Variants in TCF3 observed in about 807,000 individuals in gnomAD.
TCF3 encodes transcription factor E2-alpha.
In TCF3, 54 loss-of-function variants were observed where a neutral mutation model predicts 72.3. That is an observed-to-expected ratio of 0.75 (90% CI 0.60 to 0.94). The LOEUF (loss-of-function observed/expected upper bound fraction) is 0.94, where lower values mean the gene tolerates loss of function less well. Among genes scored for constraint, TCF3 ranks in the 40% least tolerant of loss-of-function variants. The pLI is 0.00. For missense variants in TCF3, 1,078 were observed against 934.4 expected, an observed-to-expected ratio of 1.15 and a Z score of -2.00; for synonymous variants, 525 against 412.6, an observed-to-expected ratio of 1.27 and a Z score of -3.30.
At chr19:1,645,359 C>A (rs2065930421) in intron 3 of TCF3, among the ~76,000 whole-genome samples, 1 of 152,176 alleles carries the variant, frequency 6.6e-6, no homozygotes, top group South Asian at 2.1e-4. Context: ...CAACCTCCCC[C>A]ACCAAATCCT....
Position 1,609,891 on chromosome 19 carries a change from G to A in TCF3, c.*1816C>T, listed in dbSNP as rs76820530. 1,732 of 232,568 alleles carry A rather than the reference G, an allele frequency of 7.4e-3. 12 individuals are homozygous for A. Among genetic ancestry groups the A allele is most frequent in the South Asian group, 0.042 (231 of 5,520 alleles). The allele number at this position is 232,568 out of a possible 1,614,324, so 14.4% of individuals were successfully genotyped here. A position where few individuals can be genotyped will look rare whatever the true frequency, so the allele number is the denominator to read the frequency against. ...AGGAGTGGCACGGGGGGAGACGCCC[G>A]ACCTGCAGCGGGGATGAACACAGCC... On this transcript the variant is annotated 3_prime_UTR_variant, in exon 19 of 19. Coordinates refer to ENST00000262965, the MANE Select transcript of TCF3 (RefSeq NM_003200.5).
chr19:1,648,637 G>A (rs2145719932), intron 2 of TCF3, among the ~76,000 whole-genome samples: 1 of 152,370 alleles, frequency 6.6e-6, no homozygotes, highest in East Asian at 1.9e-4. Context: ...CCCTTCCGGA[G>A]CCTTGGCCCC....
intron 18 of TCF3, chr19:1,612,111 G>A: frequency 1.6e-6 from 2 of 1,282,482 alleles, no homozygotes; most frequent in Non-Finnish European, 2.1e-6. Flanking sequence ...GACATGGACA[G>A]AGTCCGGGGG....
At position 1,619,320 on chromosome 19, in the gene TCF3, C is replaced by G. The variant is rs1299040259; in HGVS notation, c.1322G>C (p.Gly441Ala). 1.3e-6 allele frequency: 2 copies of G among 1,572,660 alleles called. No homozygotes were observed. The highest frequency in any genetic ancestry group is 1.7e-6 in the Non-Finnish European group (2 of 1,165,220). ...CCACCCTCGCCCAGCGCTCACCAGGCCTGCGTGCCGCCCGCCCAGTGACAT... is the reference window on the plus strand; with the variant it reads ...CCACCCTCGCCCAGCGCTCACCAGGGCTGCGTGCCGCCCGCCCAGTGACAT... Reference protein sequence around the residue: ...GPMSLGGRHAGLVGGSHPEDG... With the variant: ...GPMSLGGRHAALVGGSHPEDG... The change falls in exon 15 of 19, where the codon GGC becomes GCC. Residue 441 changes from glycine to alanine, a missense_variant. By Grantham distance (60) the Gly-to-Ala change is moderately conservative (BLOSUM62 0). Transcript: ENST00000262965.
intron 18 of TCF3, among the ~76,000 whole-genome samples, chr19:1,612,652 G>C (rs1238364742): frequency 1.3e-5 from 2 of 151,570 alleles, no homozygotes; most frequent in Non-Finnish European, 2.9e-5. Flanking sequence ...GGCTGGTGTT[G>C]GTGTGGGCAG....
At chr19:1,612,241 C>G (rs1257058636) in intron 18 of TCF3, 1 of 1,603,770 alleles carries the variant, frequency 6.2e-7, no homozygotes, top group Admixed American at 1.7e-5. Context: ...GGATGACCTG[C>G]ACGGCCTGCT....
chr19:1,642,763 C>T (rs1173583608), intron 3 of TCF3, among the ~76,000 whole-genome samples: 3 of 152,098 alleles, frequency 2.0e-5, no homozygotes, highest in East Asian at 3.9e-4. Context: ...TGAGCCACCG[C>T]GCCCGGTCAC....
chr19:1,620,747 A>C (rs2062091753), intron 13 of TCF3, among the ~76,000 whole-genome samples: 1 of 152,108 alleles, frequency 6.6e-6, no homozygotes, highest in African/African-American at 2.4e-5. Context: ...CCAGTGGAAC[A>C]CAAGCCCATG....
Position 1,621,113 on chromosome 19 carries a change from C to T in TCF3, c.1014+20G>A, listed in dbSNP as rs368646511. 2.0e-5 allele frequency: 30 copies of T among 1,533,064 alleles called. No individual in the cohort carries two copies. The African/African-American group carries it at 3.2e-4, about 16-fold the overall frequency. The allele number at this position is 1,533,064 out of a possible 1,614,324, so 95.0% of individuals were successfully genotyped here. ...CTCTCAGGTCACTTGCCTGGCCACCCCCCATGCCCCACGCCTCACCGAGGC... is the reference window on the plus strand; with the variant it reads ...CTCTCAGGTCACTTGCCTGGCCACCTCCCATGCCCCACGCCTCACCGAGGC... On this transcript the variant is annotated intron_variant, in intron 12 of 18. Coordinates refer to ENST00000262965, the MANE Select transcript of TCF3 (RefSeq NM_003200.5).
rs1038667051 is a variant in TCF3, at chr19:1,614,225, G to C, written c.1822+1060C>G. ...CTTGCCTGCCCACCCTGCCTTAGGG[G>C]CCTGAGGGGATCCCTCCAGGTGGTG... On this transcript the variant is annotated intron_variant, in intron 18 of 18. Coordinates refer to ENST00000262965, the MANE Select transcript of TCF3 (RefSeq NM_003200.5). This position sits in a 1 kb window ranked among gnomAD's most constrained non-coding sequence, Gnocchi z 5.6. Among the ~76,000 whole-genome samples the C allele has an allele frequency of 3.3e-5, 5 of 152,240 alleles. No homozygotes were observed. The highest frequency in any genetic ancestry group is 5.9e-5 in the Non-Finnish European group (4 of 68,038).
chr19:1,651,432 A>T (rs1435910400), intron 1 of TCF3: 1 of 224,698 alleles, frequency 4.5e-6, no homozygotes, highest in Non-Finnish European at 8.9e-6. Flanking sequence ...TCTTTTTTGG[A>T]GGGCGTGTGA....
Position 1,650,185 on chromosome 19 carries a change from A to T in TCF3, c.64T>A (p.Phe22Ile). Residue 22 changes from phenylalanine to isoleucine, a missense_variant, in exon 2 of 19, where the codon TTC (phenylalanine) becomes ATC (isoleucine). By Grantham distance (21) the Phe-to-Ile change is conservative. Transcript: ENST00000262965. ...TDKELSDLLD[F>I]SMMFPLPVTN... ...CGGGGGTCCTGGCTCACCATGCTGA[A>T]GTCCAGGAGGTCACTGAGCTCCTTG... 1 of 1,570,484 alleles carries T rather than the reference A, an allele frequency of 6.4e-7. No homozygotes were observed. The highest frequency in any genetic ancestry group is 8.6e-7 in the Non-Finnish European group (1 of 1,159,240).
chr19:1,632,367 C>G lies in TCF3; in HGVS notation c.184G>C (p.Gly62Arg). Residue 62 changes from glycine (G) to arginine (R), a missense_variant, in exon 4 of 19, where the codon GGC (glycine) becomes CGC (arginine). By Grantham distance (125) the Gly-to-Arg change is moderately radical (BLOSUM62 -2). Coordinates refer to ENST00000262965, the MANE Select transcript of TCF3 (RefSeq NM_003200.5). ...DRPSSGSWGS[G>R]DQSSSSFDPS... Reference sequence around the variant, plus strand: ...TCAAAGGAGGAGCTGCTCTGGTCGCCGCTGCCCCAGGAGCCTGAGCTGGGC... The same window carrying G: ...TCAAAGGAGGAGCTGCTCTGGTCGCGGCTGCCCCAGGAGCCTGAGCTGGGC... 4 of 1,595,256 alleles carry G rather than the reference C, an allele frequency of 2.5e-6. No homozygotes were observed. In the South Asian group the frequency reaches 3.4e-5, roughly 14 times the overall value.
chr19:1,631,145 C>T (rs566037131), intron 5 of TCF3, among the ~76,000 whole-genome samples: 5 of 152,340 alleles, frequency 3.3e-5, no homozygotes, highest in East Asian at 1.9e-4. Context: ...CAGTCCTCAC[C>T]GCCTCCCTCC....
intron 4 of TCF3, 57 bp from the exon 5 acceptor site, chr19:1,632,173 C>A (rs962313384): frequency 6.3e-7 from 1 of 1,581,966 alleles, no homozygotes; most frequent in Non-Finnish European, 8.6e-7. Context: ...CCCCCCTCCA[C>A]CCCGCATTAC....
In TCF3 at chr19:1,627,351, C is replaced by CCCCTCACCTGAGTCAGGCCG. The variant is rs1257910812; in HGVS notation, c.354_366+7dup. ...AAAATACACCCCAGCCCGGCCCGAG[C>CCCCTCACCTGAGTCAGGCCG]CCCTCACCTGAGTCAGGCCGCCCAC... is the stretch of plus-strand genomic sequence containing the variant. On this transcript the variant is annotated splice_region_variant and intron_variant, in intron 6 of 18. Coordinates refer to ENST00000262965, the MANE Select transcript of TCF3 (RefSeq NM_003200.5). 6.8e-6 allele frequency: 11 copies of CCCCTCACCTGAGTCAGGCCG among 1,607,578 alleles called. No homozygotes were observed. The highest frequency in any genetic ancestry group is 1.1e-5 in the South Asian group (1 of 90,050).
At chr19:1,631,899 C>G (rs1318296300) in intron 5 of TCF3, 139 bp downstream of exon 5, 4 of 1,529,492 alleles carry the variant, frequency 2.6e-6, no homozygotes, top group Admixed American at 3.9e-5. Context: ...GCTCCCAGGA[C>G]GGGCAGAGGC....
At chr19:1,613,972 T>A (rs1339649974) in intron 18 of TCF3, among the ~76,000 whole-genome samples, 1 of 152,258 alleles carries the variant, frequency 6.6e-6, no homozygotes, top group Admixed American at 6.5e-5. Flanking sequence ...GCGGGCACTG[T>A]TGCTGCTGCC....
intron 3 of TCF3, among the ~76,000 whole-genome samples, 200 bp downstream of exon 3, chr19:1,646,155 C>G (rs1383921709): frequency 6.6e-6 from 1 of 152,170 alleles, no homozygotes; most frequent in African/African-American, 2.4e-5. Flanking sequence ...CTCAGGGGCT[C>G]GGGCTCCCAA....
Sources: allele counts gnomAD v4.1 joint callset (sites outside exome capture counted in the v4.1 genomes callset), GRCh38; gene constraint gnomAD v4.1.1; non-coding constraint Gnocchi (gnomAD v3.1); transcripts MANE v1.5; gene names NCBI Gene and HGNC (gene_info 2026-07-23, HGNC 2026-07-21).